The following NUDT3 variants were observed in gnomAD, a reference collection of about 807,000 sequenced individuals.
The protein encoded by NUDT3 is diphosphoinositol polyphosphate phosphohydrolase 1.
A neutral mutation model predicts 23.6 loss-of-function variants in NUDT3; 9 were observed. That is an observed-to-expected ratio of 0.38 (90% CI 0.23 to 0.66). NUDT3 has a LOEUF of 0.66. Ranked by LOEUF, NUDT3 falls within the 30% of genes least tolerant of loss-of-function variation. The pLI, the probability that NUDT3 is intolerant of heterozygous loss-of-function variation, is 0.52. For synonymous variants in NUDT3, 86 were observed against 82.6 expected (o/e 1.04, Z -0.22); for missense variants, 172 against 218.5 (o/e 0.79, Z 1.34).
chr6:34,293,123 C>T (rs975298845), intron 4 of NUDT3, among the ~76,000 whole-genome samples: 1 of 152,106 alleles, frequency 6.6e-6, no homozygotes, highest in East Asian at 1.9e-4. Context: ...AGTGCAGTGG[C>T]ATGATTATGG....
At chr6:34,375,377 T>A (rs539322876) in intron 1 of NUDT3, among the ~76,000 whole-genome samples, 1 of 152,204 alleles carries the variant, frequency 6.6e-6, no homozygotes, top group East Asian at 1.9e-4. Context: ...ATAAAAAAGT[T>A]ACCAGAGTTC....
intron 2 of NUDT3, among the ~76,000 whole-genome samples, chr6:34,305,228 C>T (rs577498835): frequency 1.2e-4 from 18 of 150,364 alleles, no homozygotes; most frequent in Non-Finnish European, 1.3e-4. Flanking sequence ...GTGATCCACT[C>T]GCCTTGGCCT....
chr6:34,311,474 G>C (rs908137602), intron 2 of NUDT3, among the ~76,000 whole-genome samples: 22 of 152,090 alleles, frequency 1.4e-4, no homozygotes, highest in Non-Finnish European at 2.4e-4. Context: ...TGAATAGGAA[G>C]ACTCAACATT....
intron 2 of NUDT3, among the ~76,000 whole-genome samples, chr6:34,315,550 A>T (rs1181298685): frequency 6.6e-6 from 1 of 152,140 alleles, no homozygotes; most frequent in South Asian, 2.1e-4. Context: ...ATTTCATTAA[A>T]TTTTTTTAAG....
intron 1 of NUDT3, among the ~76,000 whole-genome samples, chr6:34,354,435 A>ACACACACACACACACACACACC (rs1210510268): frequency 6.8e-6 from 1 of 146,864 alleles, no homozygotes; most frequent in African/African-American, 2.5e-5. Context: ...ACACATACAC[A>ACACACACACACACACACACACC]CTCTTGGCCG....
chr6:34,330,436 C>T (rs916472923), intron 2 of NUDT3, among the ~76,000 whole-genome samples: 5 of 152,094 alleles, frequency 3.3e-5, no homozygotes, highest in Admixed American at 2.6e-4. Context: ...CTGTTGGCTG[C>T]GTAAATGTAG....
At chr6:34,297,024 C>T (rs970300030) in intron 2 of NUDT3, among the ~76,000 whole-genome samples, 3 of 151,286 alleles carry the variant, frequency 2.0e-5, no homozygotes, top group South Asian at 2.1e-4. Context: ...ATCCATCTCC[C>T]GGGTTCAAGC....
chr6:34,321,392 C>T (rs1174739183), intron 2 of NUDT3, among the ~76,000 whole-genome samples: 2 of 151,538 alleles, frequency 1.3e-5, no homozygotes, highest in African/African-American at 2.4e-5. Flanking sequence ...GAGCCGAGAT[C>T]GTACCACTGC....
At chr6:34,327,970 G>A (rs535135482) in intron 2 of NUDT3, among the ~76,000 whole-genome samples, 1 of 152,126 alleles carries the variant, frequency 6.6e-6, no homozygotes, top group Non-Finnish European at 1.5e-5. Flanking sequence ...TTATTCCTTG[G>A]TTATATTAGT....
At chr6:34,295,181 C>CT (rs1027769674) in intron 3 of NUDT3, among the ~76,000 whole-genome samples, 57 of 148,540 alleles carry the variant, frequency 3.8e-4, no homozygotes, top group Middle Eastern at 7.0e-3. Flanking sequence ...TTCTTTCTTT[C>CT]TTTTTTTTTT....
chr6:34,391,879 A>G (rs1765207178), intron 1 of NUDT3, among the ~76,000 whole-genome samples: 1 of 151,424 alleles, frequency 6.6e-6, no homozygotes, highest in African/African-American at 2.4e-5. Flanking sequence ...CTCCGCACAC[A>G]TGTGCCTGGC....
At chr6:34,365,962 GC>G (rs1764721684) in intron 1 of NUDT3, among the ~76,000 whole-genome samples, 1 of 152,090 alleles carries the variant, frequency 6.6e-6, no homozygotes, top group Non-Finnish European at 1.5e-5. Context: ...AATTGCTTGA[GC>G]CCCGGAGGCA....
At chr6:34,376,468 G>A (rs1764924631) in intron 1 of NUDT3, among the ~76,000 whole-genome samples, 2 of 151,964 alleles carry the variant, frequency 1.3e-5, no homozygotes, top group African/African-American at 4.8e-5. Flanking sequence ...GTAGAGATGG[G>A]GTCTCCCTAT....
At chr6:34,391,814 T>A (rs926047344) in intron 1 of NUDT3, among the ~76,000 whole-genome samples, 3 of 127,898 alleles carry the variant, frequency 2.3e-5, no homozygotes, top group Admixed American at 1.9e-4. Context: ...AACCTGCCAA[T>A]GAAGTGCACT....
chr6:34,318,234 A>C (rs1353335491), intron 2 of NUDT3, among the ~76,000 whole-genome samples: 1 of 152,192 alleles, frequency 6.6e-6, no homozygotes, highest in African/African-American at 2.4e-5. Context: ...CACTTTAAAT[A>C]CTAACTTTTA....
intron 4 of NUDT3, among the ~76,000 whole-genome samples, chr6:34,289,586 G>A (rs1177264440): frequency 2.6e-5 from 4 of 152,052 alleles, no homozygotes; most frequent in African/African-American, 4.8e-5. Flanking sequence ...AAATCAACAC[G>A]AGCATCAGCT....
intron 1 of NUDT3, among the ~76,000 whole-genome samples, chr6:34,347,732 T>C (rs1023971948): frequency 1.6e-4 from 24 of 152,136 alleles, no homozygotes; most frequent in Non-Finnish European, 1.0e-4. Flanking sequence ...AAGAAACCCA[T>C]AGTCCCTGCC....
Position 34,314,331 on chromosome 6 carries a change from C to T in NUDT3, c.211-18646G>A, listed in dbSNP as rs148206826. On this transcript the variant is annotated intron_variant, in intron 2 of 4. Coordinates refer to ENST00000607016, the MANE Select transcript of NUDT3 (RefSeq NM_006703.4). ...ACTTTGGAAGGCCGAGGTGGGTGGACGACCTGAGGTCAGCTGTTTGAAACC... is the reference window on the plus strand; with the variant it reads ...ACTTTGGAAGGCCGAGGTGGGTGGATGACCTGAGGTCAGCTGTTTGAAACC... 4.4e-3 allele frequency among the ~76,000 whole-genome samples: 660 copies of T among 149,280 alleles called. 6 individuals are homozygous for T. The highest frequency in any genetic ancestry group is 0.015 in the African/African-American group (618 of 40,410).
chr6:34,354,866 C>T (rs891632561), intron 1 of NUDT3, among the ~76,000 whole-genome samples: 3 of 143,834 alleles, frequency 2.1e-5, no homozygotes, highest in South Asian at 4.5e-4. Flanking sequence ...TATTTGTATA[C>T]TTTATATTCT....
Sources: allele counts gnomAD v4.1 joint callset (sites outside exome capture counted in the v4.1 genomes callset), GRCh38; gene constraint gnomAD v4.1.1; transcripts MANE v1.5; gene names NCBI Gene and HGNC (gene_info 2026-07-23, HGNC 2026-07-21).